Variants in SYT9 observed in about 807,000 individuals in gnomAD.
SYT9 encodes the protein synaptotagmin-9.
A neutral mutation model predicts 48.4 loss-of-function variants in SYT9; 22 were observed. The ratio of observed to expected loss-of-function variants is 0.45; its 90% CI spans 0.32 to 0.65. The LOEUF is 0.65. Ranked by LOEUF, SYT9 falls within the 30% of genes least tolerant of loss-of-function variation. The pLI is 0.03. For missense variants in SYT9, 577 were observed against 622.0 expected, an observed-to-expected ratio of 0.93 and a Z score of 0.77; for synonymous variants, 265 against 245.0, an observed-to-expected ratio of 1.08 and a Z score of -0.76.
intron 1 of SYT9, among the ~76,000 whole-genome samples, chr11:7,261,837 T>A (rs1396803745): frequency 6.6e-6 from 1 of 152,080 alleles, no homozygotes; most frequent in Non-Finnish European, 1.5e-5. Flanking sequence ...TAGTAGTAGA[T>A]GAGGTCAGAG....
intron 6 of SYT9, among the ~76,000 whole-genome samples, chr11:7,429,117 T>C (rs1181490960): frequency 2.0e-5 from 3 of 152,164 alleles, no homozygotes; most frequent in African/African-American, 7.2e-5. Flanking sequence ...GAATATTTAT[T>C]AGTTGCCTCT....
At chr11:7,417,366 T>C (rs1006310655) in intron 4 of SYT9, among the ~76,000 whole-genome samples, 1 of 152,184 alleles carries the variant, frequency 6.6e-6, no homozygotes, top group African/African-American at 2.4e-5. Context: ...CCTTGCCACC[T>C]GTTACCCCAT....
At chr11:7,366,819 A>G (rs898680661) in intron 3 of SYT9, among the ~76,000 whole-genome samples, 1 of 152,028 alleles carries the variant, frequency 6.6e-6, no homozygotes, top group Non-Finnish European at 1.5e-5. Context: ...CAACTGGTCT[A>G]GGTTTACTAT....
intron 3 of SYT9, among the ~76,000 whole-genome samples, chr11:7,410,688 C>T (rs561492776): frequency 6.6e-6 from 1 of 151,902 alleles, no homozygotes; most frequent in East Asian, 1.9e-4. Flanking sequence ...CTTTGGGTTT[C>T]TGTTTGAGTG....
chr11:7,401,063 G>A (rs780614011), intron 3 of SYT9, among the ~76,000 whole-genome samples: 6 of 151,954 alleles, frequency 3.9e-5, no homozygotes, highest in Admixed American at 6.6e-5. Context: ...TATCAGTAAC[G>A]TAAATTTATA....
chr11:7,467,036 C>T lies in SYT9; in HGVS notation c.*236C>T, dbSNP rs1848350696. The T allele has an allele frequency of 5.5e-6, 3 of 540,934 alleles. No homozygotes were observed. In the East Asian group the frequency reaches 8.9e-5, roughly 16 times the overall value. The allele number at this position is 540,934 out of a possible 1,614,324, so 33.5% of individuals were successfully genotyped here. ...GCTGCAGGGAAGCATGTCTCTCATGCCAAGAACCAAGATCGGACTATGAAC... is the reference window on the plus strand; with the variant it reads ...GCTGCAGGGAAGCATGTCTCTCATGTCAAGAACCAAGATCGGACTATGAAC... On this transcript the variant is annotated 3_prime_UTR_variant, in exon 7 of 7. Transcript: ENST00000318881.
At chr11:7,345,567 G>A (rs1435068459) in intron 3 of SYT9, among the ~76,000 whole-genome samples, 1 of 152,102 alleles carries the variant, frequency 6.6e-6, no homozygotes, top group Non-Finnish European at 1.5e-5. Flanking sequence ...TTACTGAGAT[G>A]GGAAATATTA....
upstream of SYT9, among the ~76,000 whole-genome samples, chr11:7,249,292 T>G (rs1054199009): frequency 3.3e-5 from 5 of 152,204 alleles, no homozygotes; most frequent in African/African-American, 1.2e-4. Flanking sequence ...AGTTGCAAGA[T>G]CTTTTCAAGT....
intron 3 of SYT9, among the ~76,000 whole-genome samples, chr11:7,400,267 A>T (rs1846861832): frequency 6.6e-6 from 1 of 152,222 alleles, no homozygotes; most frequent in Non-Finnish European, 1.5e-5. Flanking sequence ...GGCCTGACAC[A>T]ACTTCTGTCC....
At chr11:7,391,716 C>CATG (rs1387388700) in intron 3 of SYT9, among the ~76,000 whole-genome samples, 1 of 87,388 alleles carries the variant, frequency 1.1e-5, no homozygotes, top group Non-Finnish European at 2.1e-5. Context: ...GCATGGACAA[C>CATG]ATGGTAAAAC....
At chr11:7,302,070 G>A (rs1848930970) in intron 1 of SYT9, among the ~76,000 whole-genome samples, 1 of 152,200 alleles carries the variant, frequency 6.6e-6, no homozygotes, top group African/African-American at 2.4e-5. Flanking sequence ...CTCCAGTGCA[G>A]CCTCTGCATT....
At chr11:7,342,081 C>T (rs1413600636) in intron 3 of SYT9, among the ~76,000 whole-genome samples, 1 of 152,122 alleles carries the variant, frequency 6.6e-6, no homozygotes, top group Non-Finnish European at 1.5e-5. Flanking sequence ...CACCAGGTCC[C>T]TCCCCCAGCA....
intron 3 of SYT9, among the ~76,000 whole-genome samples, chr11:7,357,900 CAT>C (rs10606414): frequency 0.31 from 47,559 of 151,778 alleles, 9,175 homozygotes; most frequent in East Asian, 0.74. Flanking sequence ...TATCTATAGA[CAT>C]AATTTATTTC....
At chr11:7,445,707 C>T (rs761127690) in intron 6 of SYT9, among the ~76,000 whole-genome samples, 6 of 152,218 alleles carry the variant, frequency 3.9e-5, no homozygotes, top group Admixed American at 1.3e-4. Flanking sequence ...TCTGGGAAGA[C>T]GGCCCACAGG....
intron 2 of SYT9, among the ~76,000 whole-genome samples, chr11:7,303,856 T>G (rs1848986036): frequency 6.6e-6 from 1 of 152,290 alleles, no homozygotes; most frequent in African/African-American, 2.4e-5. Flanking sequence ...TCCCTGTGCA[T>G]CTGACCTATC....
intron 3 of SYT9, among the ~76,000 whole-genome samples, chr11:7,373,956 G>A (rs150533580): frequency 0.03 from 4,518 of 151,998 alleles, 242 homozygotes; most frequent in African/African-American, 0.1. Flanking sequence ...AAGTTTTGGG[G>A]TACATGTGCA....
chr11:7,333,570 T>G (rs958117414), intron 3 of SYT9, among the ~76,000 whole-genome samples: 2 of 152,208 alleles, frequency 1.3e-5, no homozygotes, highest in African/African-American at 4.8e-5. Flanking sequence ...AGTCTAATAC[T>G]TTGGTTTTGA....
intron 6 of SYT9, chr11:7,440,843 C>T (rs1847817214): frequency 6.6e-6 from 1 of 152,152 alleles, no homozygotes; most frequent in South Asian, 2.1e-4. Context: ...GACTGATCAG[C>T]TGATCTCATC....
intron 3 of SYT9, among the ~76,000 whole-genome samples, chr11:7,352,850 G>A (rs571871915): frequency 3.3e-5 from 5 of 152,312 alleles, no homozygotes; most frequent in East Asian, 3.9e-4. Flanking sequence ...TCTTGACTGC[G>A]TGCAGTGATC....
Sources: allele counts gnomAD v4.1 joint callset (sites outside exome capture counted in the v4.1 genomes callset), GRCh38; gene constraint gnomAD v4.1.1; transcripts MANE v1.5; gene names NCBI Gene and HGNC (gene_info 2026-07-23, HGNC 2026-07-21).